ADAM17: variants seen among roughly 807,000 people sequenced by gnomAD.
ADAM17 encodes disintegrin and metalloproteinase domain-containing protein 17.
In ADAM17, 39 loss-of-function variants were observed where a neutral mutation model predicts 96.7. The ratio of observed to expected loss-of-function variants is 0.40; its 90% CI spans 0.31 to 0.53. The LOEUF (loss-of-function observed/expected upper bound fraction) is 0.53, where lower values mean the gene tolerates loss of function less well. Ranked by LOEUF, ADAM17 falls within the 20% of genes least tolerant of loss-of-function variation. The probability of loss-of-function intolerance (pLI) is 0.44; values close to 1 mark genes in which losing one functional copy is unlikely to be tolerated. For missense variants in ADAM17, 777 were observed against 1,013.2 expected, an observed-to-expected ratio of 0.77 and a Z score of 3.17; for synonymous variants, 344 against 359.2, an observed-to-expected ratio of 0.96 and a Z score of 0.48.
chr2:9,524,357 G>C (rs1210931251), intron 6 of ADAM17, among the ~76,000 whole-genome samples: 3 of 152,094 alleles, frequency 2.0e-5, no homozygotes, highest in Non-Finnish European at 2.9e-5. Flanking sequence ...TAGCCAGGAA[G>C]GGTGAACACC....
At chr2:9,501,661 A>G (rs1663014562) in intron 13 of ADAM17, among the ~76,000 whole-genome samples, 2 of 152,206 alleles carry the variant, frequency 1.3e-5, no homozygotes, top group Non-Finnish European at 2.9e-5. Context: ...TGCTTCCTCC[A>G]CACTATTCCA....
chr2:9,549,189 G>A (rs1665507795), intron 1 of ADAM17, among the ~76,000 whole-genome samples: 1 of 152,094 alleles, frequency 6.6e-6, no homozygotes, highest in East Asian at 1.9e-4. Flanking sequence ...TGGCCAACAT[G>A]GTAAAACCCA....
intron 4 of ADAM17, among the ~76,000 whole-genome samples, chr2:9,534,274 C>T (rs1019231570): frequency 1.3e-5 from 2 of 152,120 alleles, no homozygotes; most frequent in East Asian, 1.9e-4. Context: ...GGGTCTAAGG[C>T]GGGAGAACCG....
chr2:9,515,735 CAAAAAAAAAAA>C (rs56888068), intron 10 of ADAM17, among the ~76,000 whole-genome samples: 3 of 118,092 alleles, frequency 2.5e-5, no homozygotes, highest in Non-Finnish European at 5.3e-5. Flanking sequence ...ACTCCGTCTC[CAAAAAAAAAAA>C]AAAAAGAAAA....
chr2:9,555,781 G>A lies in ADAM17; in HGVS notation c.-176C>T, dbSNP rs1665735100. ...ACCGCCAGGCTCGACGCCCCCAGAAGTGCAGGTGGCGTTACCAAAGGCCGG... is the reference window on the plus strand; with the variant it reads ...ACCGCCAGGCTCGACGCCCCCAGAAATGCAGGTGGCGTTACCAAAGGCCGG... On this transcript the variant is annotated 5_prime_UTR_variant, in exon 1 of 19. Transcript: ENST00000310823. 4.1e-6 allele frequency: 2 copies of A among 483,580 alleles called. No homozygotes were observed. Among genetic ancestry groups the A allele is most frequent in the African/African-American group, 2.0e-5 (1 of 50,098 alleles). The allele number at this position is 483,580 out of a possible 1,614,324, so 30.0% of individuals were successfully genotyped here.
intron 10 of ADAM17, among the ~76,000 whole-genome samples, chr2:9,511,912 T>C (rs1174047291): frequency 6.6e-6 from 1 of 151,914 alleles, no homozygotes; most frequent in Non-Finnish European, 1.5e-5. Context: ...CGGAGGTTGC[T>C]GTGAGCCGAG....
intron 10 of ADAM17, among the ~76,000 whole-genome samples, chr2:9,514,555 AT>A (rs1558509964): frequency 2.7e-5 from 3 of 111,302 alleles, no homozygotes; most frequent in African/African-American, 6.1e-5. Context: ...ATATATATAT[AT>A]ATATATATAT....
At chr2:9,553,305 G>A (rs1304383593) in intron 1 of ADAM17, among the ~76,000 whole-genome samples, 4 of 151,866 alleles carry the variant, frequency 2.6e-5, no homozygotes, top group African/African-American at 9.7e-5. Flanking sequence ...ACCATTTGAA[G>A]ATGGATATCG....
At chr2:9,546,117 G>C (rs893359178) in intron 1 of ADAM17, among the ~76,000 whole-genome samples, 2 of 148,114 alleles carry the variant, frequency 1.4e-5, no homozygotes, top group African/African-American at 5.0e-5. Flanking sequence ...AAAAAAGAAA[G>C]AACATGGAAA....
Position 9,488,853 on chromosome 2 carries a change from C to T in ADAM17, c.*1324G>A, listed in dbSNP as rs751778319. 2 of 152,154 alleles carry T rather than the reference C, an allele frequency of 1.3e-5. No individual in the cohort carries two copies. Among genetic ancestry groups the T allele is most frequent in the Non-Finnish European group, 2.9e-5 (2 of 68,038 alleles). The allele number at this position is 152,154 out of a possible 1,614,324, so 9.4% of individuals were successfully genotyped here. On this transcript the variant is annotated 3_prime_UTR_variant, in exon 19 of 19. Coordinates refer to ENST00000310823, the MANE Select transcript of ADAM17 (RefSeq NM_003183.6). ...TTAGTCACAGGTTTGGTTAACTGCC[C>T]TCAAAATTTACAAGTTAAAATGTTT...
At chr2:9,493,205 T>C (rs1215135671) in intron 16 of ADAM17, among the ~76,000 whole-genome samples, 1 of 152,200 alleles carries the variant, frequency 6.6e-6, no homozygotes, top group Non-Finnish European at 1.5e-5. Flanking sequence ...CAGGAAGAGA[T>C]TGCAGAATAT....
intron 18 of ADAM17, among the ~76,000 whole-genome samples, chr2:9,490,765 C>T (rs1194989191): frequency 6.6e-6 from 1 of 152,190 alleles, no homozygotes; most frequent in Non-Finnish European, 1.5e-5. Flanking sequence ...TGAAAACTTA[C>T]TTACCATTTG....
chr2:9,551,354 A>T (rs114778283), intron 1 of ADAM17, among the ~76,000 whole-genome samples: 292 of 152,316 alleles, frequency 1.9e-3, no homozygotes, highest in African/African-American at 6.7e-3. Flanking sequence ...TGAGACCAGA[A>T]GTGTTTCATT....
rs55794209 is a variant in ADAM17, at chr2:9,505,503, C to A, written c.1345-138G>T. On this transcript the variant is annotated intron_variant, in intron 11 of 18. Transcript: ENST00000310823. Reference sequence around the variant, plus strand: ...CCACCCTGGAGTTATGGCAAGGCCACCACAGTCTCCTCCAAAGGCCACTGA... The same window carrying A: ...CCACCCTGGAGTTATGGCAAGGCCAACACAGTCTCCTCCAAAGGCCACTGA... 0.037 allele frequency: 30,236 copies of A among 812,398 alleles called. 743 individuals are homozygous for A. The highest frequency in any genetic ancestry group is 0.046 in the Non-Finnish European group (23,456 of 511,248). 50.3% of individuals were successfully genotyped at this position (812,398 alleles called of 1,614,324 possible). A position where few individuals can be genotyped will look rare whatever the true frequency, so the allele number is the denominator to read the frequency against.
At chr2:9,508,593 C>T (rs368909581) in intron 11 of ADAM17, among the ~76,000 whole-genome samples, 12 of 152,254 alleles carry the variant, frequency 7.9e-5, no homozygotes, top group Admixed American at 5.2e-4. Flanking sequence ...TGCCCATTCC[C>T]GTCTCCCATC....
At chr2:9,554,835 ATTTC>A (rs1051077452) in intron 1 of ADAM17, among the ~76,000 whole-genome samples, 2 of 152,132 alleles carry the variant, frequency 1.3e-5, no homozygotes, top group African/African-American at 2.4e-5. Context: ...ACTCTTGATA[ATTTC>A]TTTGTTTAAA....
chr2:9,550,083 AC>A (rs1665536054), intron 1 of ADAM17, among the ~76,000 whole-genome samples: 1 of 151,572 alleles, frequency 6.6e-6, no homozygotes, highest in Non-Finnish European at 1.5e-5. Context: ...CCTCTTCAGC[AC>A]CCCCCAAAAC....
chr2:9,524,170 A>C (rs539210354), intron 6 of ADAM17, among the ~76,000 whole-genome samples: 1 of 152,258 alleles, frequency 6.6e-6, no homozygotes, highest in South Asian at 2.1e-4. Context: ...GCTTCTGGTC[A>C]ACAGTAGACT....
At chr2:9,553,220 T>C (rs1025337934) in intron 1 of ADAM17, among the ~76,000 whole-genome samples, 3 of 152,222 alleles carry the variant, frequency 2.0e-5, no homozygotes, top group Non-Finnish European at 4.4e-5. Context: ...TAACACTTGC[T>C]ATAACGTACT....
Sources: gnomAD v4.1 joint callset for allele counts (sites outside exome capture counted in the v4.1 genomes callset) on GRCh38, gnomAD v4.1.1 for gene constraint, MANE v1.5 for transcripts, NCBI Gene and HGNC (gene_info 2026-07-23, HGNC 2026-07-21) for gene names.